NRDC: variants seen among roughly 807,000 people sequenced by gnomAD.
NRDC encodes nardilysin.
A neutral mutation model predicts 147.1 loss-of-function variants in NRDC; 54 were observed. That is an observed-to-expected ratio of 0.37 (90% CI 0.29 to 0.46). NRDC has a LOEUF of 0.46. NRDC is among the 20% of genes least tolerant of loss of function. NRDC has a pLI of 1.00. For synonymous variants in NRDC, 440 were observed against 482.1 expected (o/e 0.91, Z 1.14); for missense variants, 1,082 against 1,370.6 (o/e 0.79, Z 3.33).
rs1680051586 is a variant in NRDC, at chr1:51,818,051, C to T, written c.1361+15G>A. 1 of 1,595,928 alleles carries T rather than the reference C, an allele frequency of 6.3e-7. No individual in the cohort carries two copies. Among genetic ancestry groups the T allele is most frequent in the African/African-American group, 1.4e-5 (1 of 74,072 alleles). On this transcript the variant is annotated intron_variant, in intron 10 of 30. Coordinates refer to ENST00000352171, the MANE Select transcript of NRDC (RefSeq NM_001101662.2). ...ACTTGGTTCTAATGAAGTAAATTTT[C>T]CCTTAAACTCTTACCTGTAATGTTG...
At chr1:51,798,136 A>G (rs1679017741) in intron 22 of NRDC, 113 bp downstream of exon 22, 2 of 1,060,798 alleles carry the variant, frequency 1.9e-6, no homozygotes, top group Admixed American at 4.1e-5. Flanking sequence ...TCTAAACAGA[A>G]TATGATAATG....
chr1:51,878,724 G>A lies in NRDC; in HGVS notation c.-109C>T, dbSNP rs1683459173. The A allele has an allele frequency of 3.2e-6, 3 of 939,998 alleles. No homozygotes were observed. 58.2% of individuals were successfully genotyped at this position (939,998 alleles called of 1,614,324 possible). ...GTGCTGCCGCAGCCGCGGGGAACAG[G>A]CCTGAACCCCTCCCCCAACCCAGTC... On this transcript the variant is annotated 5_prime_UTR_variant, in exon 1 of 31. Coordinates refer to ENST00000352171, the MANE Select transcript of NRDC (RefSeq NM_001101662.2).
In NRDC at chr1:51,814,093, TGAA is replaced by T. The variant is rs1679848100; in HGVS notation, c.1620-7_1620-5del. 1.9e-6 allele frequency: 3 copies of T among 1,576,598 alleles called. No homozygotes were observed. Among genetic ancestry groups the T allele is most frequent in the Non-Finnish European group, 2.6e-6 (3 of 1,146,276 alleles). On this transcript the variant is annotated splice_region_variant and splice_polypyrimidine_tract_variant and intron_variant, in intron 13 of 30. Transcript: ENST00000352171. The stretch of plus-strand genomic sequence containing the variant: ...TTTCCGAATCTCTTCAAAAATTCTG[TGAA>T]GGAGAAAACTATAATTAGAAGATAC...
chr1:51,823,317 T>C (rs1680290179), intron 7 of NRDC, among the ~76,000 whole-genome samples: 1 of 152,172 alleles, frequency 6.6e-6, no homozygotes, highest in African/African-American at 2.4e-5. Context: ...GTAATCGATA[T>C]AGAGTAAATG....
chr1:51,849,014 G>A (rs950409683), intron 1 of NRDC, among the ~76,000 whole-genome samples: 1 of 152,142 alleles, frequency 6.6e-6, no homozygotes, highest in African/African-American at 2.4e-5. Flanking sequence ...CTATATTACT[G>A]GGTGGGAACA....
chr1:51,809,145 GA>G (rs1363190948), intron 17 of NRDC, among the ~76,000 whole-genome samples, 169 bp downstream of exon 17: 1 of 152,044 alleles, frequency 6.6e-6, no homozygotes, highest in Non-Finnish European at 1.5e-5. Flanking sequence ...TTGCTTTTTT[GA>G]CCCCCAGTTT....
At chr1:51,791,699 A>G in intron 26 of NRDC, 38 bp from the exon 27 acceptor site, 1 of 1,514,452 alleles carries the variant, frequency 6.6e-7, no homozygotes, top group South Asian at 1.1e-5. Context: ...AGCTCAGGTG[A>G]TCATCTGGGC....
chr1:51,838,442 A>G (rs1024778627), intron 2 of NRDC, among the ~76,000 whole-genome samples: 5 of 152,234 alleles, frequency 3.3e-5, no homozygotes, highest in Non-Finnish European at 5.9e-5. Flanking sequence ...GACAATTTTT[A>G]ACTGTTTTTA....
At chr1:51,859,987 C>A in intron 1 of NRDC, 1 of 200,582 alleles carries the variant, frequency 5.0e-6, no homozygotes. Flanking sequence ...CATAACAGGA[C>A]AAGGGGGATC....
At chr1:51,806,210 T>C (rs1425614539) in intron 18 of NRDC, among the ~76,000 whole-genome samples, 2 of 151,144 alleles carry the variant, frequency 1.3e-5, no homozygotes, top group African/African-American at 4.9e-5. Flanking sequence ...CTATGCTTCC[T>C]TTATGCTGAA....
chr1:51,806,729 G>T, intron 18 of NRDC, 65 bp downstream of exon 18: 1 of 1,497,406 alleles, frequency 6.7e-7, no homozygotes, highest in Non-Finnish European at 9.2e-7. Context: ...AATCACATGT[G>T]AAACAGAGCA....
At chr1:51,837,418 C>T in intron 2 of NRDC, 6 of 1,356,578 alleles carry the variant, frequency 4.4e-6, no homozygotes, top group Non-Finnish European at 5.8e-6. Flanking sequence ...TCAGTTAAAA[C>T]ATTGGGGAAT....
At position 51,812,070 on chromosome 1, in the gene NRDC, A is replaced by T; in HGVS notation, c.1703T>A (p.Met568Lys). 1 of 1,613,870 alleles carries T rather than the reference A, an allele frequency of 6.2e-7. No individual in the cohort carries two copies. The highest frequency in any genetic ancestry group is 8.5e-7 in the Non-Finnish European group (1 of 1,179,758). Residue 568 changes from methionine to lysine, a missense_variant, in exon 15 of 31, where the codon ATG (methionine) becomes AAG (lysine). Met to Lys is a moderately conservative substitution (Grantham distance 95, BLOSUM62 -1). Coordinates refer to ENST00000352171, the MANE Select transcript of NRDC (RefSeq NM_001101662.2). ...QTDPVEYVEN[M>K]CENMQLYPLQ... ...TGGGTACAGCTGCATGTTCTCACACATGTTTTCCACATACTCAACTGGATC... is the reference window on the plus strand; with the variant it reads ...TGGGTACAGCTGCATGTTCTCACACTTGTTTTCCACATACTCAACTGGATC...
rs942784586 is a variant in NRDC at position 51,794,852 on chromosome 1, T to G, written c.2607A>C (p.Glu869Asp). 25 of 1,613,936 alleles carry G rather than the reference T, an allele frequency of 1.5e-5. No individual in the cohort carries two copies. Among genetic ancestry groups the G allele is most frequent in the Non-Finnish European group, 2.1e-5 (25 of 1,179,990 alleles). Residue 869 changes from glutamate (E) to aspartate (D), a missense_variant and splice_region_variant, in exon 23 of 31, where the codon GAA becomes GAC. This residue lies in a region of NRDC where 635 missense variants were observed against 923.8 expected (regional missense o/e 0.69). Coordinates refer to ENST00000352171, the MANE Select transcript of NRDC (RefSeq NM_001101662.2). ...GLVQGNVTST[E>D]SMDFLKYVVD... ...CAACATATTTCAGGAAATCCATAGA[T>G]TCCTAAGAGGCAAAAGAGAATAACT...
chr1:51,838,430 G>A (rs1012594339), intron 2 of NRDC, among the ~76,000 whole-genome samples: 3 of 152,064 alleles, frequency 2.0e-5, no homozygotes, highest in African/African-American at 7.3e-5. Flanking sequence ...AATGCCTGTC[G>A]AGACAATTTT....
intron 27 of NRDC, among the ~76,000 whole-genome samples, 181 bp from the exon 28 acceptor site, chr1:51,791,171 A>G (rs1230443445): frequency 6.6e-6 from 1 of 152,186 alleles, no homozygotes; most frequent in African/African-American, 2.4e-5. Flanking sequence ...AGAAAGAGAA[A>G]GAACCCTCCC....
At chr1:51,824,760 CAG>C (rs1479606675) in intron 6 of NRDC, among the ~76,000 whole-genome samples, 2 of 152,170 alleles carry the variant, frequency 1.3e-5, no homozygotes, top group Admixed American at 1.3e-4. Context: ...ATCAGATAAA[CAG>C]ATGTTCAAAT....
chr1:51,834,252 G>T (rs552492018), intron 3 of NRDC, 82 bp from the exon 4 acceptor site: 2 of 1,371,634 alleles, frequency 1.5e-6, no homozygotes, highest in Admixed American at 4.0e-5. Flanking sequence ...TATATGCATA[G>T]AAAAACTGAA....
chr1:51,800,476 C>G (rs958877113), intron 21 of NRDC, 80 bp downstream of exon 21: 1 of 1,498,996 alleles, frequency 6.7e-7, no homozygotes, highest in African/African-American at 1.4e-5. Context: ...GCAACTATAG[C>G]CTTAACCCCC....
Sources: gnomAD v4.1 joint callset for allele counts (sites outside exome capture counted in the v4.1 genomes callset) on GRCh38, gnomAD v4.1.1 for gene constraint, gnomAD v4.1.1 regional missense constraint, MANE v1.5 for transcripts, NCBI Gene and HGNC (gene_info 2026-07-23, HGNC 2026-07-21) for gene names.